ACER3: variants seen among roughly 807,000 people sequenced by gnomAD.
The protein encoded by ACER3 is alkaline ceramidase 3.
ACER3 carries 16 observed loss-of-function variants against 48.9 expected under a neutral mutation model. That is an observed-to-expected ratio of 0.33 (90% CI 0.22 to 0.50). ACER3 has a LOEUF of 0.50. ACER3 is among the 20% of genes least tolerant of loss of function. The probability of loss-of-function intolerance (pLI) is 0.98; values close to 1 mark genes in which losing one functional copy is unlikely to be tolerated. For missense variants in ACER3, 227 were observed against 326.0 expected (o/e 0.70, Z 2.34); for synonymous variants, 109 against 107.8 (o/e 1.01, Z -0.07).
intron 1 of ACER3, among the ~76,000 whole-genome samples, chr11:76,911,329 C>G (rs1174921326): frequency 6.6e-6 from 1 of 152,140 alleles, no homozygotes; most frequent in Non-Finnish European, 1.5e-5. Context: ...AACTTCCAGA[C>G]GTTGCCATGA....
At chr11:76,898,820 C>T (rs535502047) in intron 1 of ACER3, among the ~76,000 whole-genome samples, 4 of 136,682 alleles carry the variant, frequency 2.9e-5, no homozygotes, top group East Asian at 4.6e-4. Flanking sequence ...AGGAGAATGG[C>T]GTGAACCCGG....
intron 3 of ACER3, among the ~76,000 whole-genome samples, chr11:76,965,193 T>C (rs12364910): frequency 0.059 from 8,980 of 151,268 alleles, 430 homozygotes; most frequent in Middle Eastern, 0.12. Flanking sequence ...TGCGATCAAC[T>C]GGAAGAAAGG....
At chr11:76,970,713 T>C (rs1461983522) in intron 3 of ACER3, among the ~76,000 whole-genome samples, 1 of 152,148 alleles carries the variant, frequency 6.6e-6, no homozygotes, top group Non-Finnish European at 1.5e-5. Context: ...ACCATAAAAT[T>C]CACCTTTTTT....
intron 3 of ACER3, among the ~76,000 whole-genome samples, chr11:76,974,686 G>A (rs1948393174): frequency 6.6e-6 from 1 of 152,116 alleles, no homozygotes; most frequent in African/African-American, 2.4e-5. Flanking sequence ...TGGTAGGAAA[G>A]AAACGTGAAG....
Position 76,883,438 on chromosome 11 carries a change from C to CTTTTTTT in ACER3, c.103+22373_103+22379dup, listed in dbSNP as rs60656670. Among the ~76,000 whole-genome samples the CTTTTTTT allele has an allele frequency of 5.6e-3, 557 of 98,920 alleles. 11 individuals carry two copies. Among genetic ancestry groups the CTTTTTTT allele is most frequent in the Middle Eastern group, 0.021 (2 of 94 alleles). 64.9% of individuals were successfully genotyped at this position (98,920 alleles called of 152,430 possible). ...TTGCTTCTTTTGAATGATTTTCTTG[C>CTTTTTTT]TTTTTTTTTTTTTTTTTTTTGAGAC... is the stretch of plus-strand genomic sequence containing the variant. On this transcript the variant is annotated intron_variant, in intron 1 of 10. Transcript: ENST00000532485.
rs559819405 is a variant in ACER3 at position 76,865,397 on chromosome 11, GT to G, written c.103+4326del. 2.6e-4 allele frequency among the ~76,000 whole-genome samples: 40 copies of G among 151,796 alleles called. No individual in the cohort carries two copies. The South Asian group carries it at 7.9e-3, about 30-fold the overall frequency. On this transcript the variant is annotated intron_variant, in intron 1 of 10. Transcript: ENST00000532485. ...TCTCCAAGAGTTCCTTTAATGCAAA[GT>G]TTTTTTTGTTAGCATAATTTCTCCT...
chr11:76,875,241 G>A (rs1945342678), intron 1 of ACER3, among the ~76,000 whole-genome samples: 1 of 147,454 alleles, frequency 6.8e-6, no homozygotes, highest in African/African-American at 2.5e-5. Context: ...AGCCTCCCTA[G>A]TAGCTGGGAT....
chr11:76,898,132 T>G (rs370265821), intron 1 of ACER3, among the ~76,000 whole-genome samples: 2 of 152,206 alleles, frequency 1.3e-5, no homozygotes, highest in South Asian at 4.1e-4. Context: ...TGTGCAAAAG[T>G]GTACCTACCA....
At chr11:76,865,110 T>C (rs372000887) in intron 1 of ACER3, among the ~76,000 whole-genome samples, 4 of 150,426 alleles carry the variant, frequency 2.7e-5, no homozygotes, top group African/African-American at 9.8e-5. Flanking sequence ...TAGCTGGGAC[T>C]ACAGGCGTGT....
intron 3 of ACER3, among the ~76,000 whole-genome samples, chr11:76,970,154 G>A (rs546126945): frequency 2.6e-5 from 4 of 152,048 alleles, no homozygotes; most frequent in African/African-American, 9.6e-5. Flanking sequence ...ACTCCAAAAG[G>A]GTGAGGATTA....
At chr11:76,908,519 A>G (rs1252418307) in intron 1 of ACER3, among the ~76,000 whole-genome samples, 2 of 152,152 alleles carry the variant, frequency 1.3e-5, no homozygotes, top group African/African-American at 4.8e-5. Flanking sequence ...AGAATGAAAT[A>G]CCTAGGAATA....
At chr11:77,014,272 T>C (rs1370512438) in intron 7 of ACER3, among the ~76,000 whole-genome samples, 5 of 152,238 alleles carry the variant, frequency 3.3e-5, no homozygotes, top group African/African-American at 1.2e-4. Flanking sequence ...GTGTGGTATG[T>C]GTGTGCATGC....
intron 1 of ACER3, chr11:76,868,002 G>T: frequency 6.2e-6 from 5 of 809,414 alleles, no homozygotes; most frequent in Non-Finnish European, 6.7e-6. Context: ...TTTCCTTGCT[G>T]CTGCAGCACA....
intron 4 of ACER3, among the ~76,000 whole-genome samples, chr11:76,985,177 G>T (rs1234851856): frequency 6.6e-6 from 1 of 152,064 alleles, no homozygotes; most frequent in Admixed American, 6.6e-5. Flanking sequence ...CTGTCATCCA[G>T]GCTGGACCCT....
intron 3 of ACER3, among the ~76,000 whole-genome samples, chr11:76,963,652 G>GC (rs979853250): frequency 1.3e-5 from 2 of 151,328 alleles, no homozygotes; most frequent in African/African-American, 4.9e-5. Context: ...GATCTTACCA[G>GC]CCCAAAGACT....
chr11:76,985,806 G>C, intron 5 of ACER3, 82 bp downstream of exon 5: 1 of 745,068 alleles, frequency 1.3e-6, no homozygotes, highest in Non-Finnish European at 2.0e-6. Flanking sequence ...TCCAGTATTT[G>C]CTTCATGCTG....
chr11:76,901,140 C>G (rs899923923), intron 1 of ACER3, among the ~76,000 whole-genome samples: 1 of 151,910 alleles, frequency 6.6e-6, no homozygotes, highest in Non-Finnish European at 1.5e-5. Context: ...TTTACATGAG[C>G]CTTAATGGTC....
intron 7 of ACER3, among the ~76,000 whole-genome samples, chr11:77,000,181 G>A (rs1948999002): frequency 6.6e-6 from 1 of 152,016 alleles, no homozygotes; most frequent in African/African-American, 2.4e-5. Context: ...GGCTAATCAC[G>A]TTGAACATAC....
At chr11:76,930,454 T>C (rs1246730936) in intron 2 of ACER3, among the ~76,000 whole-genome samples, 3 of 151,708 alleles carry the variant, frequency 2.0e-5, no homozygotes, top group African/African-American at 7.2e-5. Context: ...GTTTTTTGTG[T>C]CTCTATCTCC....
Sources: gnomAD v4.1 joint callset for allele counts (sites outside exome capture counted in the v4.1 genomes callset) on GRCh38, gnomAD v4.1.1 for gene constraint, MANE v1.5 for transcripts, NCBI Gene and HGNC (gene_info 2026-07-23, HGNC 2026-07-21) for gene names.